Variants in PDE4D observed in about 807,000 individuals in gnomAD.
The protein encoded by PDE4D is phosphodiesterase 4D.
A neutral mutation model predicts 87.4 loss-of-function variants in PDE4D; 24 were observed. That is an observed-to-expected ratio of 0.27 (90% CI 0.20 to 0.39). The LOEUF (loss-of-function observed/expected upper bound fraction) is 0.39. Among genes scored for constraint, PDE4D ranks in the 10% least tolerant of loss-of-function variants. The pLI is 1.00. For missense variants in PDE4D, 714 were observed against 1,041.0 expected (o/e 0.69, Z 4.32); for synonymous variants, 384 against 383.2 (o/e 1.00, Z -0.02).
chr5:59,235,424 G>T (rs1347897008), intron 1 of PDE4D, among the ~76,000 whole-genome samples: 1 of 152,170 alleles, frequency 6.6e-6, no homozygotes, highest in Non-Finnish European at 1.5e-5. Context: ...TGATGGGATT[G>T]GGAGTGTAGA....
chr5:59,570,127 A>G (rs1263547216), intron 1 of PDE4D, among the ~76,000 whole-genome samples: 3 of 152,190 alleles, frequency 2.0e-5, no homozygotes, highest in Non-Finnish European at 4.4e-5. Context: ...CTGTGATGAC[A>G]CAGTCAGTGG....
chr5:59,607,833 A>G (rs532838098), intron 1 of PDE4D, among the ~76,000 whole-genome samples: 49 of 152,246 alleles, frequency 3.2e-4, no homozygotes, highest in African/African-American at 1.1e-3. Flanking sequence ...TGCATTGGTT[A>G]CACTGCACAG....
intron 1 of PDE4D, among the ~76,000 whole-genome samples, chr5:59,633,500 T>A (rs1831838562): frequency 6.6e-6 from 1 of 152,184 alleles, no homozygotes; most frequent in Non-Finnish European, 1.5e-5. Flanking sequence ...AAGGTTGGGT[T>A]ACCCACAAAG....
chr5:59,239,458 C>T (rs773931939), intron 1 of PDE4D, among the ~76,000 whole-genome samples: 5 of 152,110 alleles, frequency 3.3e-5, no homozygotes, highest in Non-Finnish European at 5.9e-5. Flanking sequence ...ACCCAGCTGC[C>T]ACTATTCTAC....
chr5:60,226,265 C>T (rs1352625358), intron 1 of PDE4D, among the ~76,000 whole-genome samples: 5 of 152,032 alleles, frequency 3.3e-5, no homozygotes, highest in Non-Finnish European at 2.9e-5. Context: ...TTCTTTATAT[C>T]CATGTCACAT....
At chr5:59,571,593 C>T (rs1008017932) in intron 1 of PDE4D, among the ~76,000 whole-genome samples, 3 of 152,112 alleles carry the variant, frequency 2.0e-5, no homozygotes, top group African/African-American at 7.2e-5. Context: ...ACTCATCTGT[C>T]AATCAAACAT....
chr5:59,584,623 G>A (rs1168761570), intron 1 of PDE4D, among the ~76,000 whole-genome samples: 1 of 152,154 alleles, frequency 6.6e-6, no homozygotes, highest in African/African-American at 2.4e-5. Flanking sequence ...CCAGTCAAAA[G>A]TATAGGTGAG....
rs3062590 is a variant in PDE4D at position 59,756,509 on chromosome 5, T to TACAC, written c.455+136655_455+136658dup. Among the ~76,000 whole-genome samples the TACAC allele has an allele frequency of 2.8e-3, 408 of 145,018 alleles. 2 individuals carry two copies. Among genetic ancestry groups the TACAC allele is most frequent in the South Asian group, 0.02 (91 of 4,536 alleles). The stretch of plus-strand genomic sequence containing the variant: ...TCTATGTGCATGTAAACCCAAAACA[T>TACAC]ACACACACACACACACACACACACA... On this transcript the variant is annotated intron_variant, in intron 1 of 14. Coordinates refer to ENST00000340635, the MANE Select transcript of PDE4D (RefSeq NM_001104631.2).
At chr5:60,499,994 C>A (rs966283983) in intron 1 of PDE4D, among the ~76,000 whole-genome samples, 1 of 151,860 alleles carries the variant, frequency 6.6e-6, no homozygotes, top group African/African-American at 2.4e-5. Flanking sequence ...TTCTTTTTTT[C>A]TCCAAATATG....
intron 2 of PDE4D, among the ~76,000 whole-genome samples, chr5:60,058,982 G>T (rs1240804840): frequency 6.6e-6 from 1 of 150,476 alleles, no homozygotes; most frequent in African/African-American, 2.4e-5. Context: ...AGCTTCTTCA[G>T]GAAACTAGAA....
chr5:60,193,400 G>T (rs2064420756), intron 1 of PDE4D, among the ~76,000 whole-genome samples: 1 of 152,102 alleles, frequency 6.6e-6, no homozygotes, highest in African/African-American at 2.4e-5. Context: ...GCCGGGCGCA[G>T]TGGCTCACGC....
intron 1 of PDE4D, among the ~76,000 whole-genome samples, chr5:60,435,344 G>C (rs1392913376): frequency 6.6e-6 from 1 of 152,080 alleles, no homozygotes; most frequent in Non-Finnish European, 1.5e-5. Flanking sequence ...GTACCTGCTT[G>C]ATAGACACAA....
chr5:59,577,374 G>C (rs974565768), intron 1 of PDE4D, among the ~76,000 whole-genome samples: 12 of 152,108 alleles, frequency 7.9e-5, no homozygotes, highest in African/African-American at 2.4e-4. Context: ...CTTGAGAAAA[G>C]CATCAGAGCT....
chr5:59,209,130 T>C (rs73104896), intron 2 of PDE4D, among the ~76,000 whole-genome samples: 1 of 152,180 alleles, frequency 6.6e-6, no homozygotes, highest in Admixed American at 6.5e-5. Context: ...GTTATTTTTT[T>C]AACTCCTAAC....
intron 1 of PDE4D, among the ~76,000 whole-genome samples, chr5:60,206,492 G>A (rs1054708953): frequency 1.3e-5 from 2 of 152,154 alleles, no homozygotes; most frequent in East Asian, 3.9e-4. Context: ...TTTTGAAGAT[G>A]CATACTTTGT....
At chr5:59,347,470 TAAA>T (rs142874760) in intron 1 of PDE4D, among the ~76,000 whole-genome samples, 13,958 of 152,108 alleles carry the variant, frequency 0.092, 734 homozygotes, top group Middle Eastern at 0.13. Context: ...TCTTTGAAAA[TAAA>T]AAATTAATCT....
intron 5 of PDE4D, among the ~76,000 whole-genome samples, chr5:59,159,059 AAAATACC>A (rs888214830): frequency 9.2e-5 from 14 of 152,192 alleles, no homozygotes; most frequent in African/African-American, 3.4e-4. Context: ...AGGCCCAACA[AAAATACC>A]ATGTTTGCTG....
chr5:60,363,163 A>G (rs912345062), intron 1 of PDE4D, among the ~76,000 whole-genome samples: 16 of 152,202 alleles, frequency 1.1e-4, no homozygotes, highest in Non-Finnish European at 1.5e-4. Flanking sequence ...TCCCATTCTT[A>G]TCAGAATTAT....
chr5:59,651,544 T>C (rs1195630361), intron 1 of PDE4D, among the ~76,000 whole-genome samples: 1 of 151,902 alleles, frequency 6.6e-6, no homozygotes, highest in Non-Finnish European at 1.5e-5. Flanking sequence ...ATGGAGTACT[T>C]GGGTCATTCA....
Sources: allele counts gnomAD v4.1 joint callset (sites outside exome capture counted in the v4.1 genomes callset), GRCh38; gene constraint gnomAD v4.1.1; transcripts MANE v1.5; gene names NCBI Gene and HGNC (gene_info 2026-07-23, HGNC 2026-07-21).